The following DCLK2 variants were observed in gnomAD, a reference collection of about 807,000 sequenced individuals.
DCLK2 encodes doublecortin like kinase 2.
Under a neutral mutation model 78.4 loss-of-function variants are expected in DCLK2, and 31 were observed. The ratio of observed to expected loss-of-function variants is 0.40; its 90% CI spans 0.30 to 0.53. The LOEUF (loss-of-function observed/expected upper bound fraction) is 0.53, where lower values mean the gene tolerates loss of function less well. Ranked by LOEUF, DCLK2 falls within the 20% of genes least tolerant of loss-of-function variation. The pLI is 0.61. For synonymous variants in DCLK2, 407 were observed against 374.9 expected (o/e 1.09, Z -0.99); for missense variants, 872 against 973.7 (o/e 0.90, Z 1.39).
intron 1 of DCLK2, among the ~76,000 whole-genome samples, chr4:150,096,750 A>G (rs1009909219): frequency 1.3e-5 from 2 of 152,210 alleles, no homozygotes; most frequent in South Asian, 4.1e-4. Flanking sequence ...AGTACTTGGG[A>G]ACTGGGGCGA....
chr4:150,159,500 T>C (rs1444328074), intron 2 of DCLK2, among the ~76,000 whole-genome samples: 1 of 152,248 alleles, frequency 6.6e-6, no homozygotes, highest in Non-Finnish European at 1.5e-5. Flanking sequence ...GCCAATTAAA[T>C]GTACGTGCTT....
intron 2 of DCLK2, among the ~76,000 whole-genome samples, chr4:150,179,415 C>T (rs560218181): frequency 1.3e-5 from 2 of 152,230 alleles, no homozygotes; most frequent in African/African-American, 4.8e-5. Context: ...CTTTGCTATT[C>T]GTGCTGAATA....
At chr4:150,136,671 C>T (rs1249730026) in intron 2 of DCLK2, among the ~76,000 whole-genome samples, 1 of 152,148 alleles carries the variant, frequency 6.6e-6, no homozygotes, top group African/African-American at 2.4e-5. Flanking sequence ...TTGAGCATAT[C>T]ATTCTGTGGT....
chr4:150,080,759 A>T (rs1456275205), intron 1 of DCLK2, among the ~76,000 whole-genome samples: 2 of 152,212 alleles, frequency 1.3e-5, no homozygotes, highest in African/African-American at 4.8e-5. Flanking sequence ...CACATGGAGG[A>T]AAACTAAAGG....
intron 2 of DCLK2, among the ~76,000 whole-genome samples, chr4:150,142,500 G>T (rs1306746562): frequency 6.6e-6 from 1 of 152,130 alleles, no homozygotes; most frequent in Non-Finnish European, 1.5e-5. Flanking sequence ...TATTTAGCAT[G>T]CTAAGTTTCT....
intron 2 of DCLK2, among the ~76,000 whole-genome samples, chr4:150,186,226 A>ATT (rs565177154): frequency 6.7e-6 from 1 of 148,418 alleles, no homozygotes; most frequent in East Asian, 2.0e-4. Context: ...ATTCATACTG[A>ATT]TTTTTTTTTT....
Position 150,141,020 on chromosome 4 carries a change from G to A in DCLK2, c.756+38208G>A, listed in dbSNP as rs6816597. On this transcript the variant is annotated intron_variant, in intron 2 of 15. Coordinates refer to ENST00000296550, the MANE Select transcript of DCLK2 (RefSeq NM_001040260.4). ...TCAAATATGGAGATTCATCTAATCC[G>A]CTGTTTTATTTATGGTTTTGAAACC... 4.9e-3 allele frequency among the ~76,000 whole-genome samples: 745 copies of A among 152,224 alleles called. 3 individuals are homozygous for A. The highest frequency in any genetic ancestry group is 9.0e-3 in the Non-Finnish European group (609 of 68,004).
intron 2 of DCLK2, among the ~76,000 whole-genome samples, chr4:150,172,734 A>C: frequency 3.9e-5 from 5 of 126,692 alleles, no homozygotes; most frequent in African/African-American, 5.7e-5. Context: ...AGTTCTCCTC[A>C]CTCTAGAGAG....
intron 2 of DCLK2, among the ~76,000 whole-genome samples, chr4:150,109,275 A>G (rs1330389205): frequency 6.6e-6 from 1 of 152,014 alleles, no homozygotes; most frequent in South Asian, 2.1e-4. Flanking sequence ...TTTTTCCTTA[A>G]AGTAGGTAAG....
At chr4:150,176,348 C>T (rs868858765) in intron 2 of DCLK2, among the ~76,000 whole-genome samples, 2 of 152,138 alleles carry the variant, frequency 1.3e-5, no homozygotes, top group African/African-American at 2.4e-5. Flanking sequence ...GGTGTAAGAG[C>T]GAGAAAGATA....
intron 2 of DCLK2, among the ~76,000 whole-genome samples, chr4:150,157,939 T>C (rs1735433299): frequency 6.6e-6 from 1 of 152,212 alleles, no homozygotes; most frequent in African/African-American, 2.4e-5. Context: ...CAGAATCTTT[T>C]AATTTTATTC....
chr4:150,220,905 C>T, intron 6 of DCLK2, 127 bp downstream of exon 6: 1 of 677,646 alleles, frequency 1.5e-6, no homozygotes, highest in Non-Finnish European at 2.4e-6. Context: ...CACCTGTCAG[C>T]CCCTTTGGCC....
intron 2 of DCLK2, among the ~76,000 whole-genome samples, chr4:150,119,041 TAA>T (rs993404955): frequency 5.6e-4 from 15 of 26,720 alleles, no homozygotes; most frequent in East Asian, 5.1e-3. Flanking sequence ...ATAACAATAA[TAA>T]TATAATAATA....
chr4:150,102,902 T>A, intron 2 of DCLK2, 90 bp downstream of exon 2: 1 of 1,235,446 alleles, frequency 8.1e-7, no homozygotes, highest in Non-Finnish European at 1.1e-6. Context: ...AATTTAGTAG[T>A]GTGCTAGAAA....
intron 1 of DCLK2, among the ~76,000 whole-genome samples, chr4:150,090,761 C>T (rs537264131): frequency 6.6e-6 from 1 of 152,136 alleles, no homozygotes; most frequent in African/African-American, 2.4e-5. Flanking sequence ...AGATTTTGTA[C>T]CCCCTTCTCG....
At chr4:150,122,338 A>G (rs1202184044) in intron 2 of DCLK2, among the ~76,000 whole-genome samples, 3 of 152,220 alleles carry the variant, frequency 2.0e-5, no homozygotes, top group African/African-American at 7.2e-5. Context: ...TCACAATAGC[A>G]AAGACTTGGA....
chr4:150,117,672 C>G (rs1187894724), intron 2 of DCLK2, among the ~76,000 whole-genome samples: 1 of 152,172 alleles, frequency 6.6e-6, no homozygotes, highest in Non-Finnish European at 1.5e-5. Context: ...TAAAGCCCGT[C>G]CTGATGCCAC....
intron 2 of DCLK2, among the ~76,000 whole-genome samples, chr4:150,145,883 C>T (rs1734434872): frequency 6.6e-6 from 1 of 152,040 alleles, no homozygotes; most frequent in South Asian, 2.1e-4. Context: ...TGTAGAGTAT[C>T]AAAGCTTTTT....
intron 3 of DCLK2, among the ~76,000 whole-genome samples, chr4:150,195,742 T>A (rs1367417236): frequency 6.6e-6 from 1 of 151,476 alleles, no homozygotes; most frequent in Non-Finnish European, 1.5e-5. Context: ...GTAGTTTTTG[T>A]TGATGGTGAA....
Sources: gnomAD v4.1 joint callset for allele counts (sites outside exome capture counted in the v4.1 genomes callset) on GRCh38, gnomAD v4.1.1 for gene constraint, MANE v1.5 for transcripts, NCBI Gene and HGNC (gene_info 2026-07-23, HGNC 2026-07-21) for gene names.